NINJ2: variants seen among roughly 807,000 people sequenced by gnomAD.
NINJ2 encodes the protein ninjurin-2.
NINJ2 carries 12 observed loss-of-function variants against 11.7 expected under a neutral mutation model. The observed-to-expected ratio is 1.02, with a 90% confidence interval of 0.66 to 1.66. The LOEUF (loss-of-function observed/expected upper bound fraction) is 1.66, where lower values mean the gene tolerates loss of function less well. Ranked by LOEUF, NINJ2 falls within the 40% of genes most tolerant of loss-of-function variation. The probability of loss-of-function intolerance (pLI) is 0.00; values close to 1 mark genes in which losing one functional copy is unlikely to be tolerated. For missense variants in NINJ2, 187 were observed against 181.8 expected, an observed-to-expected ratio of 1.03 and a Z score of -0.16; for synonymous variants, 93 against 76.8, an observed-to-expected ratio of 1.21 and a Z score of -1.10.
intron 1 of NINJ2, among the ~76,000 whole-genome samples, chr12:630,458 T>C (rs1948265999): frequency 6.6e-6 from 1 of 151,850 alleles, no homozygotes; most frequent in Non-Finnish European, 1.5e-5. Context: ...CACTGCAAGC[T>C]CCATCTCCCG....
intron 1 of NINJ2, chr12:645,442 C>A (rs900770276): frequency 1.3e-5 from 2 of 152,098 alleles, no homozygotes; most frequent in African/African-American, 4.8e-5. Flanking sequence ...GTTCTGAAAT[C>A]TGCTTAAGTT....
chr12:611,225 CTTTTTCTT>C (rs1471494726), intron 1 of NINJ2, among the ~76,000 whole-genome samples: 7 of 142,056 alleles, frequency 4.9e-5, no homozygotes, highest in African/African-American at 1.6e-4. Context: ...TTCTTTCTTT[CTTTTTCTT>C]TCTTTCTTTC....
Position 660,590 on chromosome 12 carries a change from C to T in NINJ2, c.33+2738G>A, listed in dbSNP as rs1474487789. On this transcript the variant is annotated intron_variant, in intron 1 of 3. Coordinates refer to ENST00000305108, the MANE Select transcript of NINJ2 (RefSeq NM_016533.6). Reference sequence around the variant, plus strand: ...CCCTGACCTCGTGATCCGCCCACCTCAGACTCCCAAAGTGCTGGGGTTACA... The same window carrying T: ...CCCTGACCTCGTGATCCGCCCACCTTAGACTCCCAAAGTGCTGGGGTTACA... Among the ~76,000 whole-genome samples, 3 of 151,976 alleles carry T rather than the reference C, an allele frequency of 2.0e-5. No individual in the cohort carries two copies. In the East Asian group the frequency reaches 5.9e-4, roughly 30 times the overall value.
intron 1 of NINJ2, among the ~76,000 whole-genome samples, chr12:649,767 T>A (rs986264854): frequency 6.6e-6 from 1 of 152,116 alleles, no homozygotes; most frequent in Admixed American, 6.5e-5. Flanking sequence ...TTTGGTTTAT[T>A]TTTTCCAATA....
At chr12:565,756 G>A in intron 2 of NINJ2, 194 bp downstream of exon 2, 1 of 665,514 alleles carries the variant, frequency 1.5e-6, no homozygotes, top group South Asian at 1.7e-5. Context: ...GATACCAGGA[G>A]ACAGGACAGG....
intron 1 of NINJ2, among the ~76,000 whole-genome samples, chr12:609,559 G>A (rs541366170): frequency 6.6e-6 from 1 of 152,184 alleles, no homozygotes; most frequent in South Asian, 2.1e-4. Flanking sequence ...CACGAGGTCA[G>A]GAGATCGAGA....
intron 1 of NINJ2, among the ~76,000 whole-genome samples, chr12:617,608 CCT>C (rs1948108481): frequency 6.6e-6 from 1 of 152,210 alleles, no homozygotes; most frequent in South Asian, 2.1e-4. Flanking sequence ...CTCACAGGTC[CCT>C]GAGCTCCCCC....
At chr12:621,501 GAAAAGAAA>G (rs1283584222) in intron 1 of NINJ2, among the ~76,000 whole-genome samples, 3 of 150,158 alleles carry the variant, frequency 2.0e-5, no homozygotes, top group South Asian at 4.2e-4. Flanking sequence ...AAAAGAAAAA[GAAAAGAAA>G]AAAAGAAAAC....
intron 1 of NINJ2, among the ~76,000 whole-genome samples, chr12:568,092 GGC>G (rs1391348719): frequency 6.6e-6 from 1 of 152,000 alleles, no homozygotes; most frequent in African/African-American, 2.4e-5. Context: ...AAACTGTTTT[GGC>G]CATGCATCCT....
intron 1 of NINJ2, among the ~76,000 whole-genome samples, chr12:571,502 GCA>G (rs1947376293): frequency 6.6e-6 from 1 of 152,220 alleles, no homozygotes; most frequent in Non-Finnish European, 1.5e-5. Context: ...GGCCTGCCCG[GCA>G]CAGTCATTAC....
In NINJ2 at chr12:601,602, G is replaced by A. The variant is rs561554834; in HGVS notation, c.34-35424C>T. On this transcript the variant is annotated intron_variant, in intron 1 of 3. Coordinates refer to ENST00000305108, the MANE Select transcript of NINJ2 (RefSeq NM_016533.6). ...CAAATAGCCAGGTGCGGTGGCTCACGCCTGTAATCCCAGCACTTTGGGAGG... is the reference window on the plus strand; with the variant it reads ...CAAATAGCCAGGTGCGGTGGCTCACACCTGTAATCCCAGCACTTTGGGAGG... 2.6e-4 allele frequency among the ~76,000 whole-genome samples: 39 copies of A among 152,202 alleles called. No individual in the cohort carries two copies. In the South Asian group the frequency reaches 5.4e-3, roughly 21 times the overall value.
At chr12:647,125 C>A (rs767800949) in intron 1 of NINJ2, among the ~76,000 whole-genome samples, 4 of 152,200 alleles carry the variant, frequency 2.6e-5, no homozygotes, top group Admixed American at 2.0e-4. Context: ...TGTTCCTTCT[C>A]TTCCACCCCT....
At chr12:631,025 G>C (rs1948274616) in intron 1 of NINJ2, 1 of 152,352 alleles carries the variant, frequency 6.6e-6, no homozygotes, top group African/African-American at 2.4e-5. Context: ...GGAAGGAGGA[G>C]AGTCAGTTAA....
rs1389955971 is a variant in NINJ2 at position 609,338 on chromosome 12, C to T, written c.34-43160G>A. Among the ~76,000 whole-genome samples the T allele has an allele frequency of 7.3e-5, 8 of 110,342 alleles. 1 individual carries two copies. The highest frequency in any genetic ancestry group is 1.6e-4 in the Non-Finnish European group (8 of 49,040). 72.4% of individuals were successfully genotyped at this position (110,342 alleles called of 152,430 possible). ...CTAGGTGCTGAACGCACACGCACGG[C>T]GCCACGCTAGGTGCTGAAGGGGCCG... On this transcript the variant is annotated intron_variant, in intron 1 of 3. Coordinates refer to ENST00000305108, the MANE Select transcript of NINJ2 (RefSeq NM_016533.6).
intron 1 of NINJ2, among the ~76,000 whole-genome samples, chr12:653,499 TTTG>T (rs374168641): frequency 1.1e-3 from 160 of 152,286 alleles, no homozygotes; most frequent in African/African-American, 3.7e-3. Flanking sequence ...TTAGGATTGT[TTTG>T]TTATCATAAG....
At chr12:610,727 TTC>T in intron 1 of NINJ2, 40 of 464,946 alleles carry the variant, frequency 8.6e-5, no homozygotes, top group Non-Finnish European at 9.6e-5. Context: ...TGGAAATCTA[TTC>T]TTTTTTTTTT....
intron 1 of NINJ2, among the ~76,000 whole-genome samples, chr12:625,661 G>T (rs1382333380): frequency 6.6e-6 from 1 of 152,050 alleles, no homozygotes; most frequent in African/African-American, 2.4e-5. Flanking sequence ...TCTCATGGAC[G>T]GTACAGAAAG....
chr12:600,653 G>GGTGT (rs58255968), intron 1 of NINJ2, among the ~76,000 whole-genome samples: 2,815 of 141,968 alleles, frequency 0.02, 36 homozygotes, highest in Non-Finnish European at 0.026. Flanking sequence ...ATTTTTTTGG[G>GGTGT]GTGTGTGTGT....
chr12:576,016 G>A (rs1036303261), intron 1 of NINJ2, among the ~76,000 whole-genome samples: 1 of 152,160 alleles, frequency 6.6e-6, no homozygotes, highest in African/African-American at 2.4e-5. Flanking sequence ...GCCGCATGCA[G>A]GCTCCTGACT....
Sources: gnomAD v4.1 joint callset for allele counts (sites outside exome capture counted in the v4.1 genomes callset) on GRCh38, gnomAD v4.1.1 for gene constraint, MANE v1.5 for transcripts, NCBI Gene and HGNC (gene_info 2026-07-23, HGNC 2026-07-21) for gene names.